MIGA1: variants seen among roughly 807,000 people sequenced by gnomAD.
MIGA1 encodes the protein family with sequence similarity 73, member A.
MIGA1 carries 58 observed loss-of-function variants against 82.0 expected under a neutral mutation model. The ratio of observed to expected loss-of-function variants is 0.71; its 90% CI spans 0.57 to 0.88. The LOEUF (loss-of-function observed/expected upper bound fraction) is 0.88, where lower values mean the gene tolerates loss of function less well. MIGA1 is among the 40% of genes least tolerant of loss of function. The pLI is 0.00. For synonymous variants in MIGA1, 249 were observed against 253.6 expected (o/e 0.98, Z 0.17); for missense variants, 751 against 749.1 (o/e 1.00, Z -0.03).
At chr1:77,822,594 C>T (rs1369786818) in intron 7 of MIGA1, among the ~76,000 whole-genome samples, 1 of 152,074 alleles carries the variant, frequency 6.6e-6, no homozygotes, top group Non-Finnish European at 1.5e-5. Context: ...TAGGGATTTG[C>T]CATCAAATGT....
At chr1:77,843,517 A>G (rs1684705132) in intron 8 of MIGA1, 110 bp downstream of exon 8, 1 of 763,766 alleles carries the variant, frequency 1.3e-6, no homozygotes, top group Non-Finnish European at 2.2e-6. Context: ...AGCACGTACC[A>G]TGTGGTAGGT....
chr1:77,870,443 AC>A (rs1685918748), intron 14 of MIGA1, among the ~76,000 whole-genome samples: 2 of 114,206 alleles, frequency 1.8e-5, no homozygotes, highest in Non-Finnish European at 3.8e-5. Context: ...CACATCCCAG[AC>A]AGGGCGGCGG....
At chr1:77,858,276 G>A (rs1335233180) in intron 8 of MIGA1, among the ~76,000 whole-genome samples, 1 of 151,882 alleles carries the variant, frequency 6.6e-6, no homozygotes, top group Admixed American at 6.6e-5. Flanking sequence ...TAACCTGGGC[G>A]ATGGAGGCTG....
At chr1:77,788,040 G>A (rs982905862) in intron 2 of MIGA1, among the ~76,000 whole-genome samples, 6 of 150,910 alleles carry the variant, frequency 4.0e-5, no homozygotes, top group Admixed American at 3.3e-4. Context: ...AGGTTAGAGT[G>A]CAATGGCGCA....
At chr1:77,844,125 TATATATATATATAG>T (rs1557924298) in intron 8 of MIGA1, among the ~76,000 whole-genome samples, 2 of 116,806 alleles carry the variant, frequency 1.7e-5, no homozygotes, top group African/African-American at 7.1e-5. Flanking sequence ...TATATATATA[TATATATATATATAG>T]ATAGATAGAT....
chr1:77,823,121 G>C (rs529057177), intron 7 of MIGA1, among the ~76,000 whole-genome samples: 1 of 152,162 alleles, frequency 6.6e-6, no homozygotes, highest in South Asian at 2.1e-4. Flanking sequence ...AATTACAGGC[G>C]TGAGCCACCA....
Position 77,811,645 on chromosome 1 carries a change from G to A in MIGA1, c.638-2089G>A, listed in dbSNP as rs542947819. On this transcript the variant is annotated intron_variant, in intron 5 of 15. Transcript: ENST00000370791. ...TTCAGAATTATTGTGTTGAGCTTGG[G>A]CCTCCTTTTGTAGATGTCTTGCTAA... 2.5e-6 allele frequency: 4 copies of A among 1,612,010 alleles called. No homozygotes were observed. In the Admixed American group the frequency reaches 5.0e-5, roughly 20 times the overall value.
chr1:77,850,215 G>A (rs1017245921), intron 8 of MIGA1, among the ~76,000 whole-genome samples: 10 of 152,256 alleles, frequency 6.6e-5, no homozygotes, highest in South Asian at 6.2e-4. Flanking sequence ...CTGGCTTCCC[G>A]CAGAGGGAGT....
chr1:77,859,078 T>A, intron 9 of MIGA1, 22 bp downstream of exon 9: 1 of 1,413,060 alleles, frequency 7.1e-7, no homozygotes, highest in Non-Finnish European at 1.0e-6. Context: ...GTTTTGTTTA[T>A]GTTTATGAAG....
intron 1 of MIGA1, chr1:77,783,004 CTT>C (rs879730152): frequency 4.4e-3 from 1,241 of 279,514 alleles, no homozygotes; most frequent in Middle Eastern, 6.6e-3. Flanking sequence ...TTAAATCTAG[CTT>C]TTTTTTTTTT....
At chr1:77,873,155 T>C (rs1646862324) in intron 15 of MIGA1, 35 bp downstream of exon 15, 4 of 1,575,662 alleles carry the variant, frequency 2.5e-6, no homozygotes, top group Non-Finnish European at 3.5e-6. Flanking sequence ...CTCTTTTTTT[T>C]CTAAATCAAA....
chr1:77,848,063 G>T (rs1243619183), intron 8 of MIGA1: 12 of 1,287,418 alleles, frequency 9.3e-6, no homozygotes, highest in South Asian at 6.0e-5. Flanking sequence ...CACGAACATC[G>T]AGAGGACACG....
chr1:77,824,947 A>C (rs976203844), intron 7 of MIGA1, among the ~76,000 whole-genome samples: 1 of 150,426 alleles, frequency 6.6e-6, no homozygotes, highest in Non-Finnish European at 1.5e-5. Context: ...CAAGAGTTTA[A>C]TACAGGCTTA....
chr1:77,863,889 T>TGCA lies in MIGA1; in HGVS notation c.1375-3_1375-1dup. On this transcript the variant is annotated splice_polypyrimidine_tract_variant and splice_region_variant and intron_variant, in intron 12 of 15. Transcript: ENST00000370791. The stretch of plus-strand genomic sequence containing the variant: ...ATTTCTGTTTCAACTCATAATTTAA[T>TGCA]GCAGGTGAAAAATCTAAATTTTTAT... The TGCA allele has an allele frequency of 6.5e-7, 1 of 1,526,942 alleles. No individual in the cohort carries two copies. The highest frequency in any genetic ancestry group is 8.9e-7 in the Non-Finnish European group (1 of 1,125,566). The allele number at this position is 1,526,942 out of a possible 1,614,324, so 94.6% of individuals were successfully genotyped here.
At chr1:77,821,430 G>A (rs1683804626) in intron 7 of MIGA1, among the ~76,000 whole-genome samples, 1 of 141,076 alleles carries the variant, frequency 7.1e-6, no homozygotes, top group South Asian at 2.3e-4. Context: ...CGCTCTTGTT[G>A]CGCAGGCTGG....
intron 7 of MIGA1, among the ~76,000 whole-genome samples, chr1:77,833,039 T>A (rs1366607776): frequency 6.6e-6 from 1 of 152,192 alleles, no homozygotes; most frequent in Non-Finnish European, 1.5e-5. Context: ...TATTCTTCTT[T>A]TTTGGTAAGC....
chr1:77,823,568 GT>G (rs935673239), intron 7 of MIGA1, among the ~76,000 whole-genome samples: 1 of 152,034 alleles, frequency 6.6e-6, no homozygotes, highest in Non-Finnish European at 1.5e-5. Context: ...TTTGTTTTGG[GT>G]TTTTTGGTTT....
In MIGA1 at chr1:77,874,859, T is replaced by A; in HGVS notation, c.1694T>A (p.Leu565Ter). 1 of 1,613,124 alleles carries A rather than the reference T, an allele frequency of 6.2e-7. No homozygotes were observed. Among genetic ancestry groups the A allele is most frequent in the East Asian group, 2.2e-5 (1 of 44,862 alleles). Reference sequence around the variant, plus strand: ...TTCATTTTCCAGAATCAAGTTCTTTTATTTCTCAAAGACATTTTTGACTTT... The same window carrying A: ...TTCATTTTCCAGAATCAAGTTCTTTAATTTCTCAAAGACATTTTTGACTTT... Residue 565 changes from leucine to a stop codon, truncating the protein, a stop_gained, in exon 16 of 16, where the codon TTA becomes TAA. Transcript: ENST00000370791. LOFTEE classifies it high-confidence loss of function.
chr1:77,825,525 C>T (rs1413609042), intron 7 of MIGA1, among the ~76,000 whole-genome samples: 5 of 147,248 alleles, frequency 3.4e-5, no homozygotes, highest in Non-Finnish European at 1.5e-5. Context: ...ACTTGTAGCA[C>T]TGGGAGTTAA....
Sources: gnomAD v4.1 joint callset for allele counts (sites outside exome capture counted in the v4.1 genomes callset) on GRCh38, gnomAD v4.1.1 for gene constraint, MANE v1.5 for transcripts, NCBI Gene and HGNC (gene_info 2026-07-23, HGNC 2026-07-21) for gene names.